HPSE2: variants seen among roughly 807,000 people sequenced by gnomAD.
HPSE2 encodes inactive heparanase-2.
HPSE2 carries 38 observed loss-of-function variants against 60.5 expected under a neutral mutation model. The observed-to-expected ratio is 0.63, with a 90% CI of 0.48 to 0.82. The LOEUF (loss-of-function observed/expected upper bound fraction) is 0.82. Ranked by LOEUF, HPSE2 falls within the 40% of genes least tolerant of loss-of-function variation. The pLI is 0.00. For synonymous variants in HPSE2, 295 were observed against 293.2 expected, an observed-to-expected ratio of 1.01 and a Z score of -0.06; for missense variants, 713 against 740.4, an observed-to-expected ratio of 0.96 and a Z score of 0.43.
chr10:99,284,099 C>G, the HPSE2 span, among the ~76,000 whole-genome samples: 1 of 152,124 alleles, frequency 6.6e-6, no homozygotes, highest in Non-Finnish European at 1.5e-5. Context: ...ACCAATATCC[C>G]TTATGAACAT....
the HPSE2 span, among the ~76,000 whole-genome samples, chr10:99,281,385 C>G: frequency 6.6e-6 from 1 of 151,226 alleles, no homozygotes; most frequent in African/African-American, 2.4e-5. Context: ...ACTTACTCTG[C>G]TACCTCATTT....
In HPSE2 at chr10:99,006,430, A is replaced by T. The variant is rs1192545561; in HGVS notation, c.610+137808T>A. ...CTATATCCACAGGATCTTGCCTTGT[A>T]TCTGATGCCAGAGGCTATGACCTGG... On this transcript the variant is annotated intron_variant, in intron 3 of 11. Transcript: ENST00000370552. Among the ~76,000 whole-genome samples, 3 of 152,158 alleles carry T rather than the reference A, an allele frequency of 2.0e-5. 1 individual carries two copies. The South Asian group carries it at 6.2e-4, about 32-fold the overall frequency.
chr10:99,307,568 G>C, the HPSE2 span, among the ~76,000 whole-genome samples: 1 of 152,086 alleles, frequency 6.6e-6, no homozygotes, highest in African/African-American at 2.4e-5. Flanking sequence ...TTCTGCTTCT[G>C]CTTCTGCTGG....
intron 3 of HPSE2, among the ~76,000 whole-genome samples, chr10:98,839,284 T>C (rs1951858891): frequency 2.0e-5 from 3 of 152,206 alleles, no homozygotes; most frequent in African/African-American, 7.2e-5. Flanking sequence ...TTGCATATGA[T>C]ATTGGCTATG....
chr10:98,856,895 C>T (rs1369674132), intron 3 of HPSE2, among the ~76,000 whole-genome samples: 1 of 152,122 alleles, frequency 6.6e-6, no homozygotes, highest in East Asian at 1.9e-4. Context: ...CCCTGTTGTT[C>T]AAGACAGCCA....
the HPSE2 span, among the ~76,000 whole-genome samples, chr10:99,311,646 T>G: frequency 6.6e-6 from 1 of 152,198 alleles, no homozygotes; most frequent in African/African-American, 2.4e-5. Flanking sequence ...TGATTGAAAT[T>G]AGTCCTATTA....
intron 3 of HPSE2, among the ~76,000 whole-genome samples, chr10:98,982,708 G>A (rs1956236173): frequency 6.6e-6 from 1 of 151,818 alleles, no homozygotes; most frequent in Non-Finnish European, 1.5e-5. Flanking sequence ...ACTGAGGATA[G>A]GAAACTAGTC....
upstream of HPSE2, among the ~76,000 whole-genome samples, chr10:99,240,187 C>G (rs1849916551): frequency 6.6e-6 from 1 of 151,668 alleles, no homozygotes; most frequent in Non-Finnish European, 1.5e-5. Context: ...AAAACTCCAT[C>G]TCAAAAAAAG....
At chr10:98,471,151 G>A (rs1029681226) in intron 11 of HPSE2, among the ~76,000 whole-genome samples, 11 of 152,304 alleles carry the variant, frequency 7.2e-5, no homozygotes, top group South Asian at 2.1e-4. Context: ...ATGGCATAGC[G>A]CCTGAATGAA....
chr10:98,639,738 C>A lies in HPSE2; in HGVS notation c.1098+2109G>T, dbSNP rs534545973. On this transcript the variant is annotated intron_variant, in intron 7 of 11. Transcript: ENST00000370552. ...TGGGAAGTGGGGATAAAGGAAAGAA[C>A]CTAACTTCCAACACCTTTGTCTTAG... Among the ~76,000 whole-genome samples the A allele has an allele frequency of 7.2e-5, 11 of 152,302 alleles. 1 individual carries two copies. The South Asian group carries it at 2.3e-3, about 32-fold the overall frequency.
intron 6 of HPSE2, among the ~76,000 whole-genome samples, chr10:98,646,506 T>C (rs987765153): frequency 2.6e-5 from 4 of 152,076 alleles, no homozygotes; most frequent in African/African-American, 9.7e-5. Flanking sequence ...AAATAACCTT[T>C]CTGGGAACTA....
intron 3 of HPSE2, among the ~76,000 whole-genome samples, chr10:98,879,342 T>C (rs1952958204): frequency 6.6e-6 from 1 of 152,056 alleles, no homozygotes; most frequent in Admixed American, 6.6e-5. Context: ...TAAGAGATGC[T>C]CCTAGTCTGT....
intron 3 of HPSE2, among the ~76,000 whole-genome samples, chr10:99,078,179 T>C (rs1843012036): frequency 6.6e-6 from 1 of 152,212 alleles, no homozygotes; most frequent in Non-Finnish European, 1.5e-5. Flanking sequence ...CTTTTCTTTA[T>C]AAATTACCCA....
intron 11 of HPSE2, among the ~76,000 whole-genome samples, chr10:98,461,436 C>A (rs75055404): frequency 6.6e-6 from 1 of 152,144 alleles, no homozygotes; most frequent in Admixed American, 6.5e-5. Flanking sequence ...CAGTGTTGAC[C>A]GCATCAGATA....
intron 9 of HPSE2, among the ~76,000 whole-genome samples, chr10:98,516,052 A>G (rs942147834): frequency 1.3e-5 from 2 of 152,188 alleles, no homozygotes; most frequent in Non-Finnish European, 2.9e-5. Flanking sequence ...GGTTCACACT[A>G]TATGTGAATT....
chr10:98,623,390 G>C (rs1341652676), intron 7 of HPSE2, among the ~76,000 whole-genome samples: 1 of 152,110 alleles, frequency 6.6e-6, no homozygotes, highest in East Asian at 1.9e-4. Flanking sequence ...TTTTGGAGGA[G>C]ATGAACATGT....
At chr10:98,905,557 A>C (rs571576745) in intron 3 of HPSE2, among the ~76,000 whole-genome samples, 1 of 152,122 alleles carries the variant, frequency 6.6e-6, no homozygotes, top group African/African-American at 2.4e-5. Flanking sequence ...ACTTCTATTC[A>C]TTCAGCCTAT....
rs985921783 is a variant in HPSE2, at chr10:98,742,546, CA to C, written c.784+1336del. Among the ~76,000 whole-genome samples the C allele has an allele frequency of 7.2e-5, 11 of 152,046 alleles. No homozygotes were observed. In the South Asian group the frequency reaches 1.3e-3, roughly 17 times the overall value. On this transcript the variant is annotated intron_variant, in intron 4 of 11. Transcript: ENST00000370552. ...TCAATTGTTTTGTTCTAAAGTATAC[CA>C]AAAGGTCTTTTAATTTGAGAATCAC...
chr10:98,599,129 C>T (rs11189705), intron 9 of HPSE2, among the ~76,000 whole-genome samples: 64,739 of 151,968 alleles, frequency 0.43, 16,236 homozygotes, highest in Admixed American at 0.54. Flanking sequence ...CAGAGATTGA[C>T]CTGAAGGATA....
Sources: gnomAD v4.1 joint callset for allele counts (sites outside exome capture counted in the v4.1 genomes callset) on GRCh38, gnomAD v4.1.1 for gene constraint, MANE v1.5 for transcripts, NCBI Gene and HGNC (gene_info 2026-07-23, HGNC 2026-07-21) for gene names.